The following HDAC4 variants were observed in gnomAD, a reference collection of about 807,000 sequenced individuals.
The protein encoded by HDAC4 is histone deacetylase A.
HDAC4 carries 16 observed loss-of-function variants against 135.1 expected under a neutral mutation model. That is an observed-to-expected ratio of 0.12 (90% CI 0.08 to 0.18). The LOEUF is 0.18. Ranked by LOEUF, HDAC4 falls within the 10% of genes least tolerant of loss-of-function variation. The probability of loss-of-function intolerance (pLI) is 1.00; values close to 1 mark genes in which losing one functional copy is unlikely to be tolerated. For missense variants in HDAC4, 1,143 were observed against 1,511.8 expected (o/e 0.76, Z 4.05); for synonymous variants, 685 against 653.4 (o/e 1.05, Z -0.74).
chr2:239,380,281 C>G (rs535369310), intron 1 of HDAC4, among the ~76,000 whole-genome samples: 1 of 152,158 alleles, frequency 6.6e-6, no homozygotes, highest in Admixed American at 6.5e-5. Flanking sequence ...CACACACGTC[C>G]GTGCACACAT....
chr2:239,296,950 G>C (rs2051932567), intron 2 of HDAC4, among the ~76,000 whole-genome samples: 2 of 148,988 alleles, frequency 1.3e-5, no homozygotes, highest in Admixed American at 6.8e-5. Flanking sequence ...GAAGTGATCA[G>C]CTCTCCAGAT....
At chr2:239,084,046 C>A (rs1434241601) in intron 20 of HDAC4, 109 bp downstream of exon 20, 11 of 788,686 alleles carry the variant, frequency 1.4e-5, no homozygotes, top group Non-Finnish European at 1.8e-5. Context: ...TTCCAGAAAC[C>A]TAAGCTTCCC....
At chr2:239,223,352 G>A (rs1370755249) in intron 3 of HDAC4, among the ~76,000 whole-genome samples, 2 of 152,354 alleles carry the variant, frequency 1.3e-5, no homozygotes, top group Middle Eastern at 3.4e-3. Context: ...AGGCAGCAAC[G>A]TACATTCCGC....
intron 2 of HDAC4, among the ~76,000 whole-genome samples, chr2:239,277,253 G>A (rs968871723): frequency 1.3e-5 from 2 of 152,224 alleles, no homozygotes; most frequent in African/African-American, 4.8e-5. Flanking sequence ...CTCAGCTTCT[G>A]AAGCTCCCCA....
chr2:239,345,189 A>C (rs764262606), intron 2 of HDAC4, among the ~76,000 whole-genome samples: 2 of 152,172 alleles, frequency 1.3e-5, no homozygotes, highest in African/African-American at 4.8e-5. Flanking sequence ...CTGTCACCAG[A>C]AGCTCAGAAT....
chr2:239,124,765 C>T (rs112765028), intron 12 of HDAC4, among the ~76,000 whole-genome samples: 2,361 of 64,234 alleles, frequency 0.037, 158 homozygotes, highest in African/African-American at 0.064. Flanking sequence ...TGTTATGTGA[C>T]ATTCTGGTGT....
At chr2:239,338,585 C>G (rs892707015) in intron 2 of HDAC4, among the ~76,000 whole-genome samples, 1 of 152,154 alleles carries the variant, frequency 6.6e-6, no homozygotes, top group African/African-American at 2.4e-5. Context: ...ATTTGATGTT[C>G]AAAATTTAAA....
rs1419925633 is a variant in HDAC4 at position 239,049,508 on chromosome 2, T to C, written c.*3589A>G. On this transcript the variant is annotated 3_prime_UTR_variant, in exon 27 of 27. Coordinates refer to ENST00000543185, the MANE Select transcript of HDAC4 (RefSeq NM_001378414.1). ...ATATTTATATATGTATCAATGCCCATAAAACACGTGGGCCCAAAGTCTACA... is the reference window on the plus strand; with the variant it reads ...ATATTTATATATGTATCAATGCCCACAAAACACGTGGGCCCAAAGTCTACA... The C allele has an allele frequency of 6.6e-6, 1 of 152,044 alleles. No individual in the cohort carries two copies. 9.4% of individuals were successfully genotyped at this position (152,044 alleles called of 1,614,324 possible).
chr2:239,217,501 C>G (rs985204915), intron 3 of HDAC4, among the ~76,000 whole-genome samples: 1 of 151,926 alleles, frequency 6.6e-6, no homozygotes, highest in African/African-American at 2.4e-5. Flanking sequence ...AGAGAATCAC[C>G]AAAACTCAAA....
intron 19 of HDAC4, among the ~76,000 whole-genome samples, chr2:239,084,804 C>A (rs1453458401): frequency 6.7e-6 from 1 of 148,702 alleles, no homozygotes; most frequent in Non-Finnish European, 1.5e-5. Flanking sequence ...CACACACACC[C>A]CACACCCCAC....
At chr2:239,326,757 T>A (rs2125794901) in intron 2 of HDAC4, among the ~76,000 whole-genome samples, 1 of 152,310 alleles carries the variant, frequency 6.6e-6, no homozygotes, top group African/African-American at 2.4e-5. Context: ...TCTCTATGAT[T>A]TGCTAGATAC....
chr2:239,210,425 A>G (rs2153095773), intron 3 of HDAC4, among the ~76,000 whole-genome samples: 1 of 152,374 alleles, frequency 6.6e-6, no homozygotes, highest in South Asian at 2.1e-4. Flanking sequence ...TGACTGAGGA[A>G]GCATACTTAC....
In HDAC4 at chr2:239,286,907, C is replaced by T. The variant is rs115844685; in HGVS notation, c.23-50243G>A. Among the ~76,000 whole-genome samples, 1,111 of 152,284 alleles carry T rather than the reference C, an allele frequency of 7.3e-3. 14 individuals are homozygous for T. Among genetic ancestry groups the T allele is most frequent in the African/African-American group, 0.025 (1,042 of 41,560 alleles). ...TTTTCAGATCAGACACACATACACA[C>T]GCAAGGACTGTATCACCAACAGGTC... is the stretch of plus-strand genomic sequence containing the variant. On this transcript the variant is annotated intron_variant, in intron 2 of 26. Transcript: ENST00000543185.
At chr2:239,092,475 C>T (rs745384021) in intron 17 of HDAC4, among the ~76,000 whole-genome samples, 18 of 152,168 alleles carry the variant, frequency 1.2e-4, no homozygotes, top group Non-Finnish European at 2.1e-4. Context: ...GTACTACACC[C>T]GTGTTCTGAA....
chr2:239,366,472 C>T (rs756124539), intron 1 of HDAC4, among the ~76,000 whole-genome samples: 12 of 152,186 alleles, frequency 7.9e-5, no homozygotes, highest in Non-Finnish European at 1.6e-4. Context: ...GTGTTTATTG[C>T]CAGTCTGCGT....
chr2:239,093,932 G>C, intron 17 of HDAC4: 1 of 984,290 alleles, frequency 1.0e-6, no homozygotes, highest in Non-Finnish European at 1.2e-6. Flanking sequence ...AGGGCTTGGT[G>C]GTGGTATGAA....
At position 239,349,272 on chromosome 2, in the gene HDAC4, C is replaced by G. The variant is rs917507918; in HGVS notation, c.22+3406G>C. ...GGGAGGGGAGGTGCAGCCAGGTAGG[C>G]CCCGAACACCACGTTGCCAGGACTC... On this transcript the variant is annotated intron_variant, in intron 2 of 26. Transcript: ENST00000543185. The surrounding 1 kb of genome is among the most constrained non-coding windows in gnomAD (Gnocchi z 5.7). Among the ~76,000 whole-genome samples, 2 of 152,162 alleles carry G rather than the reference C, an allele frequency of 1.3e-5. No homozygotes were observed. Among genetic ancestry groups the G allele is most frequent in the Admixed American group, 1.3e-4 (2 of 15,274 alleles).
chr2:239,382,076 C>G (rs1695458742), intron 1 of HDAC4, among the ~76,000 whole-genome samples: 1 of 152,236 alleles, frequency 6.6e-6, no homozygotes, highest in African/African-American at 2.4e-5. Context: ...TCCCCAAGGG[C>G]TGGGATCTCC....
At chr2:239,270,933 G>A (rs1038570647) in intron 2 of HDAC4, among the ~76,000 whole-genome samples, 1 of 152,076 alleles carries the variant, frequency 6.6e-6, no homozygotes, top group Admixed American at 6.6e-5. Context: ...CAGAAACATG[G>A]CAAATATGTG....
Sources: gnomAD v4.1 joint callset for allele counts (sites outside exome capture counted in the v4.1 genomes callset) on GRCh38, gnomAD v4.1.1 for gene constraint, Gnocchi (gnomAD v3.1) non-coding constraint, MANE v1.5 for transcripts, NCBI Gene and HGNC (gene_info 2026-07-23, HGNC 2026-07-21) for gene names.